The following TBC1D22A variants were observed in gnomAD, a reference collection of about 807,000 sequenced individuals.
TBC1D22A encodes the protein TBC1 domain family member 22A.
In TBC1D22A, 38 loss-of-function variants were observed where a neutral mutation model predicts 60.2. The ratio of observed to expected loss-of-function variants is 0.63; its 90% confidence interval spans 0.49 to 0.83. TBC1D22A has a LOEUF of 0.83. TBC1D22A is among the 40% of genes least tolerant of loss of function. TBC1D22A has a pLI of 0.00. For synonymous variants in TBC1D22A, 302 were observed against 281.7 expected (o/e 1.07, Z -0.72); for missense variants, 628 against 701.0 (o/e 0.90, Z 1.18).
In TBC1D22A at chr22:47,095,265, T is replaced by A. The variant is rs376374631; in HGVS notation, c.1330-16243T>A. 3.9e-5 allele frequency among the ~76,000 whole-genome samples: 6 copies of A among 152,358 alleles called. No homozygotes were observed. The East Asian group carries it at 9.6e-4, about 24-fold the overall frequency. ...AAGAATGGGAAACAATTTCTGTCAT[T>A]TGAATGGCCTCAAAACCACATCTAT... is the stretch of plus-strand genomic sequence containing the variant. On this transcript the variant is annotated intron_variant, in intron 11 of 12. Transcript: ENST00000337137.
chr22:47,114,905 G>C (rs1233896566), intron 12 of TBC1D22A, among the ~76,000 whole-genome samples: 1 of 152,160 alleles, frequency 6.6e-6, no homozygotes, highest in East Asian at 1.9e-4. Context: ...GGCGGGGAAG[G>C]TGAGGGCGCT....
chr22:46,988,188 T>G (rs1259049102), intron 9 of TBC1D22A, among the ~76,000 whole-genome samples: 1 of 152,246 alleles, frequency 6.6e-6, no homozygotes, highest in Non-Finnish European at 1.5e-5. Context: ...TCAGACTGTT[T>G]CTAATTCTGT....
At chr22:47,014,190 G>A (rs1367273285) in intron 10 of TBC1D22A, among the ~76,000 whole-genome samples, 3 of 152,222 alleles carry the variant, frequency 2.0e-5, no homozygotes, top group Non-Finnish European at 2.9e-5. Context: ...TTTCTGCAGC[G>A]GTGGCCCGGG....
At chr22:46,927,401 A>G (rs1327782325) in intron 8 of TBC1D22A, among the ~76,000 whole-genome samples, 1 of 152,184 alleles carries the variant, frequency 6.6e-6, no homozygotes, top group Non-Finnish European at 1.5e-5. Context: ...AAAATCCAAC[A>G]CCCTTTTATG....
intron 1 of TBC1D22A, among the ~76,000 whole-genome samples, chr22:46,769,493 G>A (rs1482953774): frequency 6.6e-6 from 1 of 152,244 alleles, no homozygotes; most frequent in Non-Finnish European, 1.5e-5. Context: ...CCCTGGCAGA[G>A]TAGCAAGGCC....
At chr22:47,141,449 C>G (rs2067082135) in intron 12 of TBC1D22A, among the ~76,000 whole-genome samples, 1 of 152,224 alleles carries the variant, frequency 6.6e-6, no homozygotes, top group African/African-American at 2.4e-5. Context: ...ATTTATAATC[C>G]TCGGACCAGC....
chr22:46,985,094 CG>C (rs1252954212), intron 9 of TBC1D22A, among the ~76,000 whole-genome samples: 1 of 152,112 alleles, frequency 6.6e-6, no homozygotes, highest in African/African-American at 2.4e-5. Context: ...GACTAAGCCC[CG>C]GGGATGTTGT....
intron 4 of TBC1D22A, among the ~76,000 whole-genome samples, chr22:46,836,994 TAAAA>T (rs34771491): frequency 1.5e-5 from 2 of 134,930 alleles, no homozygotes; most frequent in African/African-American, 5.6e-5. Flanking sequence ...TCTTGTCTCC[TAAAA>T]AAAAAAAAAA....
chr22:46,945,330 A>G (rs1384713258), intron 8 of TBC1D22A, among the ~76,000 whole-genome samples: 1 of 152,250 alleles, frequency 6.6e-6, no homozygotes, highest in Non-Finnish European at 1.5e-5. Flanking sequence ...GGTGATGAAA[A>G]TTAGAAGGCC....
intron 11 of TBC1D22A, among the ~76,000 whole-genome samples, chr22:47,058,848 A>G (rs2063481617): frequency 6.6e-6 from 1 of 152,112 alleles, no homozygotes; most frequent in Non-Finnish European, 1.5e-5. Context: ...TGGAATGACT[A>G]AGGAGCATGA....
intron 4 of TBC1D22A, among the ~76,000 whole-genome samples, chr22:46,860,926 T>C (rs2087843483): frequency 6.6e-6 from 1 of 152,240 alleles, no homozygotes; most frequent in African/African-American, 2.4e-5. Context: ...GGGGAGGCTC[T>C]GCTCATTCTG....
At chr22:47,101,500 C>A in intron 11 of TBC1D22A, among the ~76,000 whole-genome samples, 1 of 152,262 alleles carries the variant, frequency 6.6e-6, no homozygotes, top group East Asian at 1.9e-4. Flanking sequence ...CAGCGACCAG[C>A]TGCCTCAGCC....
intron 4 of TBC1D22A, among the ~76,000 whole-genome samples, chr22:46,875,927 C>T (rs954051412): frequency 3.3e-5 from 5 of 152,008 alleles, no homozygotes; most frequent in Non-Finnish European, 5.9e-5. Flanking sequence ...ACATACATTA[C>T]TTCTAGGAGA....
At chr22:47,095,548 A>C (rs1380199875) in intron 11 of TBC1D22A, among the ~76,000 whole-genome samples, 1 of 152,242 alleles carries the variant, frequency 6.6e-6, no homozygotes, top group African/African-American at 2.4e-5. Flanking sequence ...TCATTTTATA[A>C]GCAAAACTAA....
At chr22:46,805,089 C>T (rs983608261) in intron 4 of TBC1D22A, among the ~76,000 whole-genome samples, 1 of 152,224 alleles carries the variant, frequency 6.6e-6, no homozygotes, top group African/African-American at 2.4e-5. Flanking sequence ...ATGGTTTCCT[C>T]TAAGAGAGTA....
At chr22:47,031,092 C>T (rs191814906) in intron 10 of TBC1D22A, among the ~76,000 whole-genome samples, 1 of 152,324 alleles carries the variant, frequency 6.6e-6, no homozygotes, top group East Asian at 1.9e-4. Context: ...GGTGACTCAG[C>T]GGAGCGCTTG....
intron 8 of TBC1D22A, among the ~76,000 whole-genome samples, chr22:46,968,014 G>A (rs1387640429): frequency 1.3e-5 from 2 of 152,244 alleles, no homozygotes; most frequent in African/African-American, 2.4e-5. Flanking sequence ...ACAGAGGTGG[G>A]GTGGGGGGCC....
intron 11 of TBC1D22A, among the ~76,000 whole-genome samples, chr22:47,060,238 C>CTTTTT (rs3884803): frequency 4.5e-5 from 5 of 111,650 alleles, no homozygotes; most frequent in Admixed American, 1.0e-4. Context: ...GGGTTTCTGA[C>CTTTTT]TTTTTTTTTT....
chr22:46,998,897 G>T (rs1238355822), intron 10 of TBC1D22A, among the ~76,000 whole-genome samples: 2 of 152,258 alleles, frequency 1.3e-5, no homozygotes, highest in Admixed American at 1.3e-4. Flanking sequence ...ACGCTCCACC[G>T]CGCGGTCTTG....
Sources: allele counts gnomAD v4.1 joint callset (sites outside exome capture counted in the v4.1 genomes callset), GRCh38; gene constraint gnomAD v4.1.1; transcripts MANE v1.5; gene names NCBI Gene and HGNC (gene_info 2026-07-23, HGNC 2026-07-21).